Variants in TMEM131L observed in about 807,000 individuals in gnomAD.
The protein encoded by TMEM131L is transmembrane 131 like.
TMEM131L carries 54 observed loss-of-function variants against 192.2 expected under a neutral mutation model. The observed-to-expected ratio is 0.28, with a 90% confidence interval of 0.23 to 0.35. The LOEUF (loss-of-function observed/expected upper bound fraction) is 0.35, where lower values mean the gene tolerates loss of function less well. TMEM131L is among the 10% of genes least tolerant of loss of function. TMEM131L has a pLI of 1.00. For missense variants in TMEM131L, 1,888 were observed against 1,972.9 expected, an observed-to-expected ratio of 0.96 and a Z score of 0.82; for synonymous variants, 701 against 704.9, an observed-to-expected ratio of 0.99 and a Z score of 0.09.
chr4:153,575,964 C>CT (rs1230784808), intron 7 of TMEM131L, among the ~76,000 whole-genome samples: 3,655 of 142,948 alleles, frequency 0.026, 55 homozygotes, highest in Middle Eastern at 0.036. Context: ...TTGTTTTGTT[C>CT]TTTTTTTTTT....
At chr4:153,635,678 C>T in intron 34 of TMEM131L, 107 bp downstream of exon 34, 1 of 1,289,944 alleles carries the variant, frequency 7.8e-7, no homozygotes, top group Non-Finnish European at 1.1e-6. Flanking sequence ...TTTGGACCAG[C>T]CAAAGCCTGG....
intron 32 of TMEM131L, 34 bp downstream of exon 32, chr4:153,632,872 T>C (rs1321690293): frequency 6.2e-7 from 1 of 1,613,288 alleles, no homozygotes; most frequent in African/African-American, 1.3e-5. Flanking sequence ...GTGCCTTGCT[T>C]AGTCTAAGGG....
At chr4:153,497,929 C>T (rs879848763) in intron 3 of TMEM131L, among the ~76,000 whole-genome samples, 10 of 148,746 alleles carry the variant, frequency 6.7e-5, no homozygotes, top group Non-Finnish European at 1.2e-4. Flanking sequence ...ACGGTGAACA[C>T]CCAGATACAC....
intron 3 of TMEM131L, among the ~76,000 whole-genome samples, chr4:153,527,230 C>T (rs764857234): frequency 2.0e-5 from 3 of 152,032 alleles, no homozygotes; most frequent in Admixed American, 2.0e-4. Flanking sequence ...TAATTTTCAT[C>T]GTAATTATCA....
intron 9 of TMEM131L, among the ~76,000 whole-genome samples, chr4:153,582,449 T>G (rs1259456947): frequency 4.3e-5 from 6 of 140,036 alleles, no homozygotes; most frequent in Middle Eastern, 3.5e-3. Flanking sequence ...TTTTTTTTTT[T>G]TTTTTTTTTT....
At chr4:153,529,923 T>C (rs1735766626) in intron 3 of TMEM131L, among the ~76,000 whole-genome samples, 1 of 152,222 alleles carries the variant, frequency 6.6e-6, no homozygotes, top group Admixed American at 6.5e-5. Flanking sequence ...TCACGAGACC[T>C]CACACATGCT....
chr4:153,514,531 CT>C (rs1156517067), intron 3 of TMEM131L, among the ~76,000 whole-genome samples: 2 of 152,296 alleles, frequency 1.3e-5, no homozygotes, highest in Non-Finnish European at 2.9e-5. Flanking sequence ...CCTAGATTCT[CT>C]TTAAAGCCCT....
chr4:153,573,530 C>T (rs572116844), intron 7 of TMEM131L, among the ~76,000 whole-genome samples: 1 of 152,194 alleles, frequency 6.6e-6, no homozygotes, highest in South Asian at 2.1e-4. Context: ...AGCTGCCAGC[C>T]CAGGTTGTAA....
chr4:153,559,077 T>TAGTC (rs1252791433), intron 7 of TMEM131L, among the ~76,000 whole-genome samples: 1 of 152,222 alleles, frequency 6.6e-6, no homozygotes, highest in African/African-American at 2.4e-5. Flanking sequence ...TTAGAATTTG[T>TAGTC]AGTCAGTACC....
At chr4:153,546,654 G>A (rs912836608) in intron 3 of TMEM131L, among the ~76,000 whole-genome samples, 12 of 152,270 alleles carry the variant, frequency 7.9e-5, no homozygotes, top group South Asian at 2.1e-4. Flanking sequence ...TGAGCCAGGC[G>A]CAGTGGCTCA....
intron 7 of TMEM131L, among the ~76,000 whole-genome samples, chr4:153,576,810 G>A (rs562932663): frequency 4.6e-5 from 7 of 151,974 alleles, no homozygotes; most frequent in South Asian, 2.1e-4. Flanking sequence ...TGTAGGCACC[G>A]TTTACTATTT....
At chr4:153,558,186 C>T (rs1427578628) in intron 6 of TMEM131L, 72 bp from the exon 7 acceptor site, 2 of 722,200 alleles carry the variant, frequency 2.8e-6, no homozygotes, top group Non-Finnish European at 4.9e-6. Context: ...CCTTTGGAGA[C>T]GTGCTTTAGC....
chr4:153,529,472 T>C (rs56204302), intron 3 of TMEM131L, among the ~76,000 whole-genome samples: 4,143 of 152,246 alleles, frequency 0.027, 211 homozygotes, highest in African/African-American at 0.095. Context: ...ACTAAACCTA[T>C]AGTGGACTCT....
Position 153,556,000 on chromosome 4 carries a change from CCT to C in TMEM131L, c.432+91_432+92del. On this transcript the variant is annotated intron_variant, in intron 5 of 34. Transcript: ENST00000409959. This position sits in a 1 kb window ranked among gnomAD's most constrained non-coding sequence, Gnocchi z 4.1. ...GGCCTGAAGTTTTTACTTTCTGCTCCCTGTCTCCCGCTTTTTCTGGTACCCAA... is the reference window on the plus strand; with the variant it reads ...GGCCTGAAGTTTTTACTTTCTGCTCCGTCTCCCGCTTTTTCTGGTACCCAA... 7.5e-7 allele frequency: 1 copy of C among 1,328,402 alleles called. No homozygotes were observed. Among genetic ancestry groups the C allele is most frequent in the Non-Finnish European group, 1.0e-6 (1 of 974,716 alleles). The allele number at this position is 1,328,402 out of a possible 1,614,324, so 82.3% of individuals were successfully genotyped here.
At chr4:153,538,386 C>T (rs1376818268) in intron 3 of TMEM131L, among the ~76,000 whole-genome samples, 1 of 152,204 alleles carries the variant, frequency 6.6e-6, no homozygotes, top group Non-Finnish European at 1.5e-5. Flanking sequence ...AGGCACTTCC[C>T]AGTTTACATC....
chr4:153,556,222 T>G (rs1359117353), intron 5 of TMEM131L, among the ~76,000 whole-genome samples: 3 of 152,210 alleles, frequency 2.0e-5, no homozygotes, highest in Non-Finnish European at 2.9e-5. Flanking sequence ...TTATATTACT[T>G]GTCTTGAAAT....
intron 4 of TMEM131L, among the ~76,000 whole-genome samples, chr4:153,553,457 T>TAAA (rs34266190): frequency 0.019 from 2,737 of 143,834 alleles, 96 homozygotes; most frequent in African/African-American, 0.065. Context: ...TTGCTGAAGT[T>TAAA]AAAAAAAAAA....
At chr4:153,530,132 T>G (rs2150225780) in intron 3 of TMEM131L, among the ~76,000 whole-genome samples, 1 of 152,196 alleles carries the variant, frequency 6.6e-6, no homozygotes, top group Admixed American at 6.5e-5. Flanking sequence ...CTACACCTAA[T>G]GCTGTGTTGG....
At chr4:153,534,546 G>T (rs1336247098) in intron 3 of TMEM131L, among the ~76,000 whole-genome samples, 1 of 152,120 alleles carries the variant, frequency 6.6e-6, no homozygotes, top group African/African-American at 2.4e-5. Context: ...CGATTCTCCT[G>T]CCTCAGCCTC....
Sources: gnomAD v4.1 joint callset for allele counts (sites outside exome capture counted in the v4.1 genomes callset) on GRCh38, gnomAD v4.1.1 for gene constraint, Gnocchi (gnomAD v3.1) non-coding constraint, MANE v1.5 for transcripts, NCBI Gene and HGNC (gene_info 2026-07-23, HGNC 2026-07-21) for gene names.